SRBD1: variants seen among roughly 807,000 people sequenced by gnomAD.
SRBD1 encodes the protein S1 RNA-binding domain-containing protein 1.
In SRBD1, 88 loss-of-function variants were observed where a neutral mutation model predicts 115.3. The observed-to-expected ratio is 0.76, with a 90% CI of 0.64 to 0.91. SRBD1 has a LOEUF of 0.91. Ranked by LOEUF, SRBD1 falls within the 40% of genes least tolerant of loss-of-function variation. The pLI, the probability that SRBD1 is intolerant of heterozygous loss-of-function variation, is 0.00. For synonymous variants in SRBD1, 509 were observed against 407.7 expected (o/e 1.25, Z -2.99); for missense variants, 1,385 against 1,177.4 (o/e 1.18, Z -2.58).
intron 3 of SRBD1, among the ~76,000 whole-genome samples, chr2:45,600,121 G>A (rs993841534): frequency 2.4e-4 from 37 of 152,256 alleles, no homozygotes; most frequent in African/African-American, 8.7e-4. Flanking sequence ...TTGTGGTGAT[G>A]GAACTTTTCT....
intron 14 of SRBD1, among the ~76,000 whole-genome samples, chr2:45,510,189 CTTCA>C (rs1296549870): frequency 1.3e-5 from 2 of 152,136 alleles, no homozygotes; most frequent in Non-Finnish European, 2.9e-5. Flanking sequence ...AAAGCTTTAA[CTTCA>C]TTATTTAAAA....
intron 11 of SRBD1, among the ~76,000 whole-genome samples, chr2:45,551,560 T>C (rs527414451): frequency 5.9e-5 from 9 of 152,306 alleles, no homozygotes; most frequent in Admixed American, 2.0e-4. Flanking sequence ...TTTATAAATA[T>C]GTGTATATGT....
chr2:45,599,787 T>G lies in SRBD1; in HGVS notation c.310A>C (p.Lys104Gln). 5 of 1,614,024 alleles carry G rather than the reference T, an allele frequency of 3.1e-6. No individual in the cohort carries two copies. The highest frequency in any genetic ancestry group is 4.2e-6 in the Non-Finnish European group (5 of 1,180,018). The part of the protein sequence containing the change: ...ADTALEDRKN[K>Q]LDTVQTLKTA... ...TTCAGAGTCTGTACAGTATCCAATT[T>G]ATTTTTTCTGTCTTCTAAAGCAGTA... The change falls in exon 4 of 21, where the codon AAA becomes CAA. Residue 104 changes from lysine to glutamine, a missense_variant. Lys to Gln is a moderately conservative substitution (Grantham distance 53). Coordinates refer to ENST00000263736, the MANE Select transcript of SRBD1 (RefSeq NM_018079.5).
chr2:45,423,687 A>T (rs1028306527), intron 16 of SRBD1, among the ~76,000 whole-genome samples: 6 of 152,126 alleles, frequency 3.9e-5, no homozygotes, highest in African/African-American at 1.2e-4. Flanking sequence ...CTTCTTACCT[A>T]TTCTATGAGG....
intron 12 of SRBD1, among the ~76,000 whole-genome samples, chr2:45,549,615 C>T (rs372999645): frequency 6.8e-6 from 1 of 146,830 alleles, no homozygotes; most frequent in East Asian, 2.0e-4. Context: ...CTTTGGAAGG[C>T]CAAGGCAGGC....
At chr2:45,573,391 C>A in intron 8 of SRBD1, 49 bp from the exon 9 acceptor site, 1 of 1,560,048 alleles carries the variant, frequency 6.4e-7, no homozygotes, top group Non-Finnish European at 8.6e-7. Context: ...TTAATTTGTG[C>A]TTTAGTAAAG....
intron 4 of SRBD1, among the ~76,000 whole-genome samples, chr2:45,586,105 C>G (rs2104200127): frequency 6.6e-6 from 1 of 152,240 alleles, no homozygotes; most frequent in South Asian, 2.1e-4. Flanking sequence ...CTCACTTTGT[C>G]AGCATGAGAG....
At chr2:45,598,002 C>A (rs1673958682) in intron 4 of SRBD1, among the ~76,000 whole-genome samples, 1 of 152,122 alleles carries the variant, frequency 6.6e-6, no homozygotes, top group East Asian at 1.9e-4. Flanking sequence ...ATGGAAATAA[C>A]CTTAAAAAGC....
chr2:45,558,623 T>G (rs1049409259), intron 10 of SRBD1, among the ~76,000 whole-genome samples: 7 of 152,082 alleles, frequency 4.6e-5, no homozygotes, highest in South Asian at 2.1e-4. Flanking sequence ...TACATAGTTC[T>G]TAATATATTT....
At chr2:45,493,200 T>C (rs571107024) in intron 14 of SRBD1, among the ~76,000 whole-genome samples, 38 of 152,314 alleles carry the variant, frequency 2.5e-4, no homozygotes, top group South Asian at 6.2e-4. Flanking sequence ...GAGAAACATA[T>C]CGTGAGAGGT....
intron 16 of SRBD1, among the ~76,000 whole-genome samples, chr2:45,420,805 A>G (rs1207001566): frequency 6.6e-6 from 1 of 152,216 alleles, no homozygotes; most frequent in East Asian, 1.9e-4. Context: ...CAAGCTTCAG[A>G]TGCACATTCT....
In SRBD1 at chr2:45,433,240, C is replaced by T. The variant is rs147715716; in HGVS notation, c.2050-13346G>A. Among the ~76,000 whole-genome samples, 1,404 of 152,188 alleles carry T rather than the reference C, an allele frequency of 9.2e-3. 20 individuals are homozygous for T. The highest frequency in any genetic ancestry group is 0.032 in the African/African-American group (1,316 of 41,508). Reference sequence around the variant, plus strand: ...GGTCACTAGGGTAAATGAGGATATACTGAATTCCTTAAAAATACAAAGAGA... The same window carrying T: ...GGTCACTAGGGTAAATGAGGATATATTGAATTCCTTAAAAATACAAAGAGA... On this transcript the variant is annotated intron_variant, in intron 16 of 20. Coordinates refer to ENST00000263736, the MANE Select transcript of SRBD1 (RefSeq NM_018079.5).
At chr2:45,403,459 C>A (rs1468232393) in intron 19 of SRBD1, among the ~76,000 whole-genome samples, 2 of 152,102 alleles carry the variant, frequency 1.3e-5, no homozygotes, top group Non-Finnish European at 2.9e-5. Context: ...TAATTCCTAT[C>A]ATTTATTTTT....
At chr2:45,567,362 C>CA (rs1672862285) in intron 9 of SRBD1, among the ~76,000 whole-genome samples, 1 of 152,044 alleles carries the variant, frequency 6.6e-6, no homozygotes, top group South Asian at 2.1e-4. Context: ...ATAATCCCAG[C>CA]ACTTTGAGAG....
At chr2:45,497,398 T>C (rs1228427271) in intron 14 of SRBD1, among the ~76,000 whole-genome samples, 1 of 152,214 alleles carries the variant, frequency 6.6e-6, no homozygotes, top group Non-Finnish European at 1.5e-5. Context: ...TGAATGTACA[T>C]AAACGGTACC....
At chr2:45,443,343 AG>A (rs1668727106) in intron 16 of SRBD1, among the ~76,000 whole-genome samples, 1 of 152,224 alleles carries the variant, frequency 6.6e-6, no homozygotes, top group African/African-American at 2.4e-5. Flanking sequence ...CTTAATAACA[AG>A]AAGTTTTTAA....
intron 9 of SRBD1, among the ~76,000 whole-genome samples, chr2:45,564,151 A>C (rs1672754109): frequency 6.6e-6 from 1 of 152,248 alleles, no homozygotes; most frequent in African/African-American, 2.4e-5. Context: ...CTAAAAAATC[A>C]ATTAACCTAA....
At chr2:45,426,823 A>G (rs1488842647) in intron 16 of SRBD1, among the ~76,000 whole-genome samples, 1 of 152,226 alleles carries the variant, frequency 6.6e-6, no homozygotes, top group Admixed American at 6.5e-5. Flanking sequence ...AAGGACGTCC[A>G]CACAAAATCC....
At position 45,524,994 on chromosome 2, in the gene SRBD1, C is replaced by A. The variant is rs1286485190; in HGVS notation, c.1874+21738G>T. 2.0e-5 allele frequency among the ~76,000 whole-genome samples: 3 copies of A among 151,928 alleles called. No individual in the cohort carries two copies. In the South Asian group the frequency reaches 6.2e-4, roughly 31 times the overall value. Reference sequence around the variant, plus strand: ...GTTTACAAATAAACACACATGTCTACGGTCAACTGATTAGGACAGGGTTCT... The same window carrying A: ...GTTTACAAATAAACACACATGTCTAAGGTCAACTGATTAGGACAGGGTTCT... On this transcript the variant is annotated intron_variant, in intron 14 of 20. Coordinates refer to ENST00000263736, the MANE Select transcript of SRBD1 (RefSeq NM_018079.5).
Sources: gnomAD v4.1 joint callset for allele counts (sites outside exome capture counted in the v4.1 genomes callset) on GRCh38, gnomAD v4.1.1 for gene constraint, MANE v1.5 for transcripts, NCBI Gene and HGNC (gene_info 2026-07-23, HGNC 2026-07-21) for gene names.